Variants in ZNF560 observed in about 807,000 individuals in gnomAD.
The protein encoded by ZNF560 is zinc finger protein 560.
A neutral mutation model predicts 81.8 loss-of-function variants in ZNF560; 54 were observed. The observed-to-expected ratio is 0.66, with a 90% confidence interval of 0.53 to 0.83. The LOEUF (loss-of-function observed/expected upper bound fraction) is 0.83, where lower values mean the gene tolerates loss of function less well. ZNF560 is among the 40% of genes least tolerant of loss of function. The pLI is 0.00. For synonymous variants in ZNF560, 321 were observed against 317.9 expected, an observed-to-expected ratio of 1.01 and a Z score of -0.10; for missense variants, 940 against 932.4, an observed-to-expected ratio of 1.01 and a Z score of -0.11.
intron 2 of ZNF560, 42 bp from the exon 3 acceptor site, chr19:9,475,411 G>T: frequency 8.5e-7 from 1 of 1,183,012 alleles, no homozygotes; most frequent in South Asian, 1.3e-5. Context: ...CATAATCACA[G>T]TTCCAACATT....
At chr19:9,488,733 T>C (rs1391099932) in intron 2 of ZNF560, among the ~76,000 whole-genome samples, 2 of 152,142 alleles carry the variant, frequency 1.3e-5, no homozygotes, top group African/African-American at 4.8e-5. Context: ...TAGGCCCAAA[T>C]TCATTGATAT....
At chr19:9,498,493 ACCCCC>A (rs1053047561) in intron 1 of ZNF560, 40 bp downstream of exon 1, 44 of 152,014 alleles carry the variant, frequency 2.9e-4, no homozygotes, top group African/African-American at 1.0e-3. Context: ...GACCTCTGCC[ACCCCC>A]CGAAACACCG....
intron 2 of ZNF560, among the ~76,000 whole-genome samples, chr19:9,479,363 T>C (rs1217062367): frequency 6.6e-6 from 1 of 151,188 alleles, no homozygotes; most frequent in Non-Finnish European, 1.5e-5. Context: ...CACTTCATCC[T>C]TAAGGACATA....
chr19:9,468,725 CTTT>C (rs3068756), intron 9 of ZNF560, among the ~76,000 whole-genome samples: 170 of 123,002 alleles, frequency 1.4e-3, no homozygotes, highest in Middle Eastern at 8.1e-3. Context: ...CTGCTGATTT[CTTT>C]TTTTTTTTTT....
chr19:9,481,098 A>G (rs1258572066), intron 2 of ZNF560, among the ~76,000 whole-genome samples: 1 of 128,320 alleles, frequency 7.8e-6, no homozygotes, highest in Non-Finnish European at 1.8e-5. Flanking sequence ...AAAAAAAAAA[A>G]AGGCCTCAGA....
chr19:9,498,916 G>A (rs1237011809), upstream of ZNF560: 1 of 152,260 alleles, frequency 6.6e-6, no homozygotes, highest in Non-Finnish European at 1.5e-5. Flanking sequence ...TCGGGCGATG[G>A]ACTCGCCCCT....
chr19:9,491,909 A>C (rs936897923), intron 2 of ZNF560, among the ~76,000 whole-genome samples: 1 of 151,260 alleles, frequency 6.6e-6, no homozygotes, highest in Admixed American at 6.6e-5. Context: ...AATGCAGCTA[A>C]TGCTACTGCT....
Position 9,467,367 on chromosome 19 carries a change from G to C in ZNF560, c.1580C>G (p.Ser527Cys). The change falls in exon 10 of 10, where the codon TCT becomes TGT. Residue 527 changes from serine to cysteine, a missense_variant. Transcript: ENST00000301480. ...KCYKCGKPFT[S>C]SACLRIHMRT... ...CATGTGAATACGAAGACAGGCAGAA[G>C]AGGTAAATGGTTTCCCACATTTGTA... is the stretch of plus-strand genomic sequence containing the variant. 6.2e-7 allele frequency: 1 copy of C among 1,614,162 alleles called. No individual in the cohort carries two copies. Among genetic ancestry groups the C allele is most frequent in the Middle Eastern group, 1.6e-4 (1 of 6,062 alleles).
Position 9,491,030 on chromosome 19 carries a change from G to T in ZNF560, c.-57+7098C>A, listed in dbSNP as rs547855613. Among the ~76,000 whole-genome samples, 32 of 152,276 alleles carry T rather than the reference G, an allele frequency of 2.1e-4. No homozygotes were observed. The South Asian group carries it at 5.0e-3, about 24-fold the overall frequency. Reference sequence around the variant, plus strand: ...TTTGTACATGATATCCCATGAACAGGAAACAGTAAATAGTTTGGATACCTT... The same window carrying T: ...TTTGTACATGATATCCCATGAACAGTAAACAGTAAATAGTTTGGATACCTT... On this transcript the variant is annotated intron_variant, in intron 2 of 9. Transcript: ENST00000301480.
intron 2 of ZNF560, among the ~76,000 whole-genome samples, chr19:9,489,340 G>A (rs2073434239): frequency 6.6e-6 from 1 of 152,044 alleles, no homozygotes; most frequent in South Asian, 2.1e-4. Context: ...GCCAGACAGA[G>A]TCGCTCCTCA....
upstream of ZNF560, among the ~76,000 whole-genome samples, chr19:9,499,419 TC>T (rs767658245): frequency 3.9e-5 from 6 of 152,232 alleles, no homozygotes; most frequent in Non-Finnish European, 5.9e-5. Flanking sequence ...GGTCTGGAAC[TC>T]CTGGGCTCAA....
intron 2 of ZNF560, among the ~76,000 whole-genome samples, chr19:9,480,434 T>C (rs73020125): frequency 0.1 from 15,530 of 151,946 alleles, 956 homozygotes; most frequent in South Asian, 0.2. Flanking sequence ...TAAATGCCTA[T>C]ATGAAAAAAG....
intron 2 of ZNF560, among the ~76,000 whole-genome samples, chr19:9,481,006 C>T (rs531572923): frequency 9.9e-5 from 15 of 151,208 alleles, no homozygotes; most frequent in African/African-American, 3.6e-4. Flanking sequence ...ATAGCTTGAG[C>T]CCAGGAGAGA....
At chr19:9,464,524 C>A (rs1036586421), downstream of ZNF560, among the ~76,000 whole-genome samples, 7 of 152,184 alleles carry the variant, frequency 4.6e-5, no homozygotes, top group Non-Finnish European at 5.9e-5. Flanking sequence ...CCTTCTTCAA[C>A]CCTGACCATT....
chr19:9,502,536 T>C (rs1328209430), upstream of ZNF560, among the ~76,000 whole-genome samples: 2 of 152,174 alleles, frequency 1.3e-5, no homozygotes, highest in Admixed American at 6.5e-5. Context: ...TGGAGGATAT[T>C]GAGAAACACT....
intron 2 of ZNF560, among the ~76,000 whole-genome samples, chr19:9,479,212 C>T (rs891347869): frequency 6.8e-6 from 1 of 147,296 alleles, no homozygotes; most frequent in Non-Finnish European, 1.5e-5. Context: ...AAACTATTAA[C>T]AAAATGGCAG....
the ZNF560 span, among the ~76,000 whole-genome samples, chr19:9,458,498 C>G: frequency 6.6e-6 from 1 of 152,226 alleles, no homozygotes; most frequent in Non-Finnish European, 1.5e-5. Context: ...AATATGATTT[C>G]TGATTCTTCA....
chr19:9,504,006 T>C, the ZNF560 span, among the ~76,000 whole-genome samples: 2 of 152,266 alleles, frequency 1.3e-5, no homozygotes, highest in Admixed American at 1.3e-4. Context: ...AATTTGTTCT[T>C]GATCTCCTGT....
At position 9,466,581 on chromosome 19, in the gene ZNF560, G is replaced by C. The variant is rs1568448442; in HGVS notation, c.2366C>G (p.Thr789Arg). 9 of 1,593,804 alleles carry C rather than the reference G, an allele frequency of 5.6e-6. No individual in the cohort carries two copies. The highest frequency in any genetic ancestry group is 7.7e-6 in the Non-Finnish European group (9 of 1,168,336). ...CATCCACAGGGCTTCTCTCTAGTGT[G>C]TTTTCAAATGTGCAATACGAGCTGA... ...SFSARIAHLK[T>R]H The change falls in exon 10 of 10, where the codon ACA (threonine) becomes AGA (arginine). Residue 789 changes from threonine (T) to arginine (R), a missense_variant. Thr to Arg is a moderately conservative substitution (Grantham distance 71). Transcript: ENST00000301480.
Sources: gnomAD v4.1 joint callset for allele counts (sites outside exome capture counted in the v4.1 genomes callset) on GRCh38, gnomAD v4.1.1 for gene constraint, MANE v1.5 for transcripts, NCBI Gene and HGNC (gene_info 2026-07-23, HGNC 2026-07-21) for gene names.